DPP10: variants seen among roughly 807,000 people sequenced by gnomAD.
The protein encoded by DPP10 is dipeptidyl peptidase like 10, also known as inactive dipeptidyl peptidase 10.
In DPP10, 33 loss-of-function variants were observed where a neutral mutation model predicts 120.9. That is an observed-to-expected ratio of 0.27 (90% CI 0.21 to 0.37). DPP10 has a LOEUF of 0.37. Among genes scored for constraint, DPP10 ranks in the 10% least tolerant of loss-of-function variants. The pLI is 1.00. For missense variants in DPP10, 816 were observed against 942.8 expected (o/e 0.87, Z 1.76); for synonymous variants, 337 against 326.1 (o/e 1.03, Z -0.36).
At chr2:115,183,676 A>G (rs1298513314) in intron 1 of DPP10, among the ~76,000 whole-genome samples, 1 of 152,222 alleles carries the variant, frequency 6.6e-6, no homozygotes, top group Admixed American at 6.5e-5. Flanking sequence ...TTTTAAAGGT[A>G]TGCTAGGCTA....
intron 1 of DPP10, among the ~76,000 whole-genome samples, chr2:115,128,570 G>T (rs1482878728): frequency 6.6e-6 from 1 of 152,144 alleles, no homozygotes. Flanking sequence ...GAAACATTTG[G>T]TTTAAACAAA....
chr2:115,335,003 C>T (rs779370695), intron 2 of DPP10, among the ~76,000 whole-genome samples: 10 of 150,734 alleles, frequency 6.6e-5, no homozygotes, highest in South Asian at 2.1e-4. Context: ...TTACAAAAGA[C>T]GAGGTTTTAT....
At chr2:115,223,394 G>A (rs1002572505) in intron 1 of DPP10, among the ~76,000 whole-genome samples, 2 of 152,072 alleles carry the variant, frequency 1.3e-5, no homozygotes, top group African/African-American at 4.8e-5. Context: ...CTTTATGGAG[G>A]CTTTGGCAAG....
chr2:114,997,808 G>C (rs147387938), intron 1 of DPP10, among the ~76,000 whole-genome samples: 1 of 152,288 alleles, frequency 6.6e-6, no homozygotes, highest in East Asian at 1.9e-4. Flanking sequence ...CTTAGGACCA[G>C]AAGTGTTTAG....
chr2:115,156,944 G>A (rs1042160747), intron 1 of DPP10, among the ~76,000 whole-genome samples: 1 of 152,020 alleles, frequency 6.6e-6, no homozygotes, highest in African/African-American at 2.4e-5. Context: ...GATGATGGAA[G>A]GTTTTCTTTT....
intron 1 of DPP10, among the ~76,000 whole-genome samples, chr2:114,989,695 T>G (rs1279911831): frequency 6.6e-6 from 1 of 152,226 alleles, no homozygotes; most frequent in Non-Finnish European, 1.5e-5. Flanking sequence ...GAGATTACTT[T>G]GAAGGTGGTT....
At chr2:115,802,414 T>C (rs1685370239) in intron 19 of DPP10, among the ~76,000 whole-genome samples, 1 of 152,210 alleles carries the variant, frequency 6.6e-6, no homozygotes, top group Non-Finnish European at 1.5e-5. Context: ...GAAGGGTTTT[T>C]TGTGTCTCTA....
chr2:114,966,590 C>CTT (rs1049929517), intron 1 of DPP10, among the ~76,000 whole-genome samples: 1 of 152,184 alleles, frequency 6.6e-6, no homozygotes, highest in African/African-American at 2.4e-5. Context: ...AAATAAACAT[C>CTT]TTTTCTTCAC....
intron 1 of DPP10, among the ~76,000 whole-genome samples, chr2:114,729,005 C>T (rs572652448): frequency 2.7e-4 from 41 of 152,012 alleles, no homozygotes; most frequent in Non-Finnish European, 5.3e-4. Context: ...GATTCCAGAC[C>T]CATAATGGGA....
At chr2:114,573,842 G>C (rs2105033053) in intron 1 of DPP10, among the ~76,000 whole-genome samples, 1 of 152,196 alleles carries the variant, frequency 6.6e-6, no homozygotes, top group East Asian at 1.9e-4. Context: ...AGTAATTGCT[G>C]TCTTTTCATC....
intron 3 of DPP10, among the ~76,000 whole-genome samples, chr2:115,378,395 A>G (rs1340996505): frequency 1.3e-5 from 2 of 151,214 alleles, no homozygotes; most frequent in South Asian, 2.1e-4. Context: ...ATTTTTGTAC[A>G]TTGATTTTGT....
chr2:114,787,512 T>C (rs1417155223), intron 1 of DPP10, among the ~76,000 whole-genome samples: 4 of 152,212 alleles, frequency 2.6e-5, no homozygotes, highest in Admixed American at 2.6e-4. Flanking sequence ...AATAAACCAA[T>C]GACTGCTTGA....
At chr2:115,271,660 C>A (rs2059705497) in intron 1 of DPP10, among the ~76,000 whole-genome samples, 2 of 152,088 alleles carry the variant, frequency 1.3e-5, no homozygotes, top group African/African-American at 2.4e-5. Context: ...TAAAATATAT[C>A]TTGGAAAACA....
At chr2:114,574,352 G>A (rs150897843) in intron 1 of DPP10, among the ~76,000 whole-genome samples, 28 of 152,180 alleles carry the variant, frequency 1.8e-4, no homozygotes, top group African/African-American at 5.3e-4. Context: ...CAGCATCCCC[G>A]CCCTGCACAG....
chr2:114,988,499 C>T (rs982458551), intron 1 of DPP10, among the ~76,000 whole-genome samples: 2 of 152,156 alleles, frequency 1.3e-5, no homozygotes, highest in Non-Finnish European at 2.9e-5. Flanking sequence ...TTTTTCTCAT[C>T]TACTGCTAAT....
At chr2:114,725,236 T>C (rs1297025652) in intron 1 of DPP10, among the ~76,000 whole-genome samples, 1 of 152,200 alleles carries the variant, frequency 6.6e-6, no homozygotes, top group Non-Finnish European at 1.5e-5. Flanking sequence ...CTTCTTTCTT[T>C]AGGTGGACAT....
intron 4 of DPP10, among the ~76,000 whole-genome samples, chr2:115,511,240 TA>T (rs2077207576): frequency 6.6e-6 from 1 of 152,304 alleles, no homozygotes; most frequent in South Asian, 2.1e-4. Context: ...CAGGAAGTTT[TA>T]AATTTATTTC....
chr2:115,483,439 C>T (rs2075562343), intron 3 of DPP10, among the ~76,000 whole-genome samples: 1 of 63,482 alleles, frequency 1.6e-5, no homozygotes. Flanking sequence ...ATCTGTCTGT[C>T]TATCTATCTA....
At chr2:115,253,721 TC>T (rs2058851926) in intron 1 of DPP10, among the ~76,000 whole-genome samples, 2 of 152,216 alleles carry the variant, frequency 1.3e-5, no homozygotes, top group Admixed American at 6.5e-5. Flanking sequence ...AGGGGTTGGC[TC>T]CCAAGGGCTT....
Sources: allele counts gnomAD v4.1 joint callset (sites outside exome capture counted in the v4.1 genomes callset), GRCh38; gene constraint gnomAD v4.1.1; transcripts MANE v1.5; gene names NCBI Gene and HGNC (gene_info 2026-07-23, HGNC 2026-07-21).